The following NRXN3 variants were observed in gnomAD, a reference collection of about 807,000 sequenced individuals.
NRXN3 encodes neurexin III.
NRXN3 carries 32 observed loss-of-function variants against 137.6 expected under a neutral mutation model. The ratio of observed to expected loss-of-function variants is 0.23; its 90% CI spans 0.18 to 0.31. The LOEUF (loss-of-function observed/expected upper bound fraction) is 0.31, where lower values mean the gene tolerates loss of function less well. NRXN3 is among the 10% of genes least tolerant of loss of function. The pLI is 1.00. For missense variants in NRXN3, 1,574 were observed against 2,062.5 expected, an observed-to-expected ratio of 0.76 and a Z score of 4.59; for synonymous variants, 798 against 784.5, an observed-to-expected ratio of 1.02 and a Z score of -0.29.
intron 10 of NRXN3, among the ~76,000 whole-genome samples, chr14:78,861,680 GTGAGTGTGAGTT>G (rs1370669804): frequency 1.4e-4 from 21 of 152,234 alleles, no homozygotes; most frequent in African/African-American, 4.6e-4. Flanking sequence ...GCTTAAAGAA[GTGAGTGTGAGTT>G]TGAGTGTGAG....
At chr14:79,074,912 A>C (rs1233552279) in intron 15 of NRXN3, 2 of 152,162 alleles carry the variant, frequency 1.3e-5, no homozygotes, top group African/African-American at 4.8e-5. Flanking sequence ...GGGCTAAAAC[A>C]CCCAGAATAA....
intron 15 of NRXN3, among the ~76,000 whole-genome samples, chr14:79,357,929 C>T (rs1299317822): frequency 6.6e-6 from 1 of 152,126 alleles, no homozygotes; most frequent in African/African-American, 2.4e-5. Flanking sequence ...TTCTTTTGCT[C>T]AGTCAGCATA....
At chr14:78,250,476 TA>T (rs1277816176) in intron 2 of NRXN3, among the ~76,000 whole-genome samples, 2 of 152,160 alleles carry the variant, frequency 1.3e-5, no homozygotes, top group African/African-American at 4.8e-5. Flanking sequence ...GTGGTAGAGA[TA>T]AAAGGAGGGG....
Position 79,648,090 on chromosome 14 carries a change from T to G in NRXN3, c.3445-15688T>G, listed in dbSNP as rs221462. On this transcript the variant is annotated intron_variant, in intron 16 of 20. Coordinates refer to ENST00000335750, the MANE Select transcript of NRXN3 (RefSeq NM_001330195.2). ...GCTTTCCTTAATTTTTCTTGAATCC[T>G]GTGGCCTTCTCAGTCTATCCTTTAT... Among the ~76,000 whole-genome samples, 44 of 133,640 alleles carry G rather than the reference T, an allele frequency of 3.3e-4. 2 individuals are homozygous for G. Among genetic ancestry groups the G allele is most frequent in the African/African-American group, 1.1e-3 (44 of 40,476 alleles). The allele number at this position is 133,640 out of a possible 152,430, so 87.7% of individuals were successfully genotyped here.
rs576678067 is a variant in NRXN3 at position 79,327,782 on chromosome 14, A to G, written c.3263-139439A>G. ...TTATATATACTTGGAGGAGGACAGT[A>G]TCTTTCTTTGGTCCATTGGTGTGGC... On this transcript the variant is annotated intron_variant, in intron 15 of 20. Coordinates refer to ENST00000335750, the MANE Select transcript of NRXN3 (RefSeq NM_001330195.2). Among the ~76,000 whole-genome samples the G allele has an allele frequency of 2.6e-5, 4 of 152,314 alleles. No individual in the cohort carries two copies. In the East Asian group the frequency reaches 5.8e-4, roughly 22 times the overall value.
At position 78,635,631 on chromosome 14, in the gene NRXN3, AG is replaced by A. The variant is rs540212942; in HGVS notation, c.758-9488del. On this transcript the variant is annotated intron_variant, in intron 4 of 20. Coordinates refer to ENST00000335750, the MANE Select transcript of NRXN3 (RefSeq NM_001330195.2). ...CCTCCTAACATTTTTGTCCTTATGA[AG>A]TCCACAGAATGTAGTGTGACAGCAT... Among the ~76,000 whole-genome samples the A allele has an allele frequency of 3.1e-4, 47 of 152,306 alleles. 1 individual carries two copies. The highest frequency in any genetic ancestry group is 8.4e-4 in the African/African-American group (35 of 41,566).
intron 17 of NRXN3, among the ~76,000 whole-genome samples, chr14:79,667,800 G>C (rs557116072): frequency 6.6e-5 from 10 of 152,024 alleles, no homozygotes; most frequent in South Asian, 4.2e-4. Flanking sequence ...AACAAGGGAG[G>C]GGGGGTGAAA....
chr14:79,055,408 T>C (rs1314132758), intron 15 of NRXN3, among the ~76,000 whole-genome samples: 1 of 152,188 alleles, frequency 6.6e-6, no homozygotes, highest in African/African-American at 2.4e-5. Context: ...GTTAAAATAA[T>C]CTCGGCTTGG....
intron 1 of NRXN3, among the ~76,000 whole-genome samples, chr14:78,185,251 T>C (rs1169972140): frequency 6.6e-6 from 1 of 152,040 alleles, no homozygotes; most frequent in Non-Finnish European, 1.5e-5. Flanking sequence ...AACCCAGGGG[T>C]TTCGATGGAG....
chr14:79,085,874 G>A lies in NRXN3; in HGVS notation c.3262+97733G>A, dbSNP rs2047997998. On this transcript the variant is annotated intron_variant, in intron 15 of 20. Transcript: ENST00000335750. The stretch of plus-strand genomic sequence containing the variant: ...ATTAAAATTTGAATGGTTTCCCTAT[G>A]GGCGGATAAAACTACCTGTTCAGCT... Among the ~76,000 whole-genome samples, 4 of 152,252 alleles carry A rather than the reference G, an allele frequency of 2.6e-5. No homozygotes were observed. The South Asian group carries it at 8.3e-4, about 32-fold the overall frequency.
At chr14:79,170,160 A>G (rs2061644718) in intron 15 of NRXN3, among the ~76,000 whole-genome samples, 1 of 152,112 alleles carries the variant, frequency 6.6e-6, no homozygotes, top group South Asian at 2.1e-4. Flanking sequence ...ATTAAGCACT[A>G]TTGTGGAAAA....
At chr14:79,202,083 T>G (rs1296727158) in intron 15 of NRXN3, among the ~76,000 whole-genome samples, 1 of 151,898 alleles carries the variant, frequency 6.6e-6, no homozygotes. Flanking sequence ...TCTTTTTTTT[T>G]TTTTTCCTCA....
At chr14:78,602,582 G>A (rs1403175216) in intron 4 of NRXN3, 4 of 152,320 alleles carry the variant, frequency 2.6e-5, no homozygotes, top group African/African-American at 9.6e-5. Context: ...AGCAGCTGTA[G>A]TGTCTCCAGA....
intron 10 of NRXN3, among the ~76,000 whole-genome samples, chr14:78,943,616 AAAAAAATATATATATATATAT>A (rs1471246385): frequency 3.7e-4 from 15 of 41,020 alleles, no homozygotes; most frequent in Admixed American, 5.2e-4. Flanking sequence ...CTGTTAAAAA[AAAAAAATATATATATATATAT>A]ATATATATAT....
At chr14:78,226,663 G>A (rs1000880322) in intron 1 of NRXN3, among the ~76,000 whole-genome samples, 4 of 152,144 alleles carry the variant, frequency 2.6e-5, no homozygotes, top group Admixed American at 1.3e-4. Context: ...GAATTATCCA[G>A]TGAGCCCAGA....
At chr14:79,535,302 C>T (rs1159340043) in intron 16 of NRXN3, among the ~76,000 whole-genome samples, 1 of 152,144 alleles carries the variant, frequency 6.6e-6, no homozygotes. Flanking sequence ...AATTGGAGTT[C>T]ATTATGCTCG....
intron 15 of NRXN3, among the ~76,000 whole-genome samples, chr14:79,187,408 C>G (rs1462229015): frequency 6.6e-6 from 1 of 152,106 alleles, no homozygotes; most frequent in Non-Finnish European, 1.5e-5. Flanking sequence ...ATTGTTATCT[C>G]CATTTTAGAG....
chr14:79,626,504 G>A lies in NRXN3; in HGVS notation c.3445-37274G>A, dbSNP rs556499748. Among the ~76,000 whole-genome samples the A allele has an allele frequency of 6.7e-4, 101 of 151,818 alleles. 1 individual carries two copies. The highest frequency in any genetic ancestry group is 2.4e-3 in the African/African-American group (100 of 41,386). ...AATTTTCTCCCCATGCTCAAGAAGA[G>A]AAATGGAAATATGGCAAACATCTCC... is the stretch of plus-strand genomic sequence containing the variant. On this transcript the variant is annotated intron_variant, in intron 16 of 20. Coordinates refer to ENST00000335750, the MANE Select transcript of NRXN3 (RefSeq NM_001330195.2).
At chr14:79,637,121 C>T (rs986335716) in intron 16 of NRXN3, among the ~76,000 whole-genome samples, 5 of 152,102 alleles carry the variant, frequency 3.3e-5, no homozygotes, top group African/African-American at 7.2e-5. Flanking sequence ...TTACAAGCTG[C>T]GTGATTTGGG....
Sources: allele counts gnomAD v4.1 joint callset (sites outside exome capture counted in the v4.1 genomes callset), GRCh38; gene constraint gnomAD v4.1.1; transcripts MANE v1.5; gene names NCBI Gene and HGNC (gene_info 2026-07-23, HGNC 2026-07-21).